TFEC: variants seen among roughly 807,000 people sequenced by gnomAD.
TFEC encodes the protein transcription factor EC.
Under a neutral mutation model 41.6 loss-of-function variants are expected in TFEC, and 31 were observed. The ratio of observed to expected loss-of-function variants is 0.74; its 90% confidence interval spans 0.56 to 1.01. The LOEUF (loss-of-function observed/expected upper bound fraction) is 1.01, where lower values mean the gene tolerates loss of function less well. Ranked by LOEUF, TFEC falls within the 50% of genes least tolerant of loss-of-function variation. The pLI is 0.00. For synonymous variants in TFEC, 143 were observed against 140.6 expected (o/e 1.02, Z -0.12); for missense variants, 402 against 404.1 (o/e 0.99, Z 0.04).
At chr7:116,023,812 T>C (rs546849732) in intron 1 of TFEC, among the ~76,000 whole-genome samples, 1 of 152,256 alleles carries the variant, frequency 6.6e-6, no homozygotes, top group East Asian at 1.9e-4. Flanking sequence ...CCAAATGCCA[T>C]AATTTGGTCT....
intron 3 of TFEC, among the ~76,000 whole-genome samples, chr7:116,103,239 C>CA (rs1227792985): frequency 1.3e-5 from 2 of 152,138 alleles, no homozygotes; most frequent in Non-Finnish European, 2.9e-5. Flanking sequence ...TCCACAAAGA[C>CA]AAAAGCAGGG....
chr7:116,036,098 T>A (rs1795902949), intron 3 of TFEC, among the ~76,000 whole-genome samples: 1 of 152,048 alleles, frequency 6.6e-6, no homozygotes, highest in Non-Finnish European at 1.5e-5. Flanking sequence ...ATATAGATAA[T>A]TGTTATACTG....
At chr7:115,945,090 C>G (rs1484229868) in intron 6 of TFEC, among the ~76,000 whole-genome samples, 1 of 145,970 alleles carries the variant, frequency 6.9e-6, no homozygotes. Flanking sequence ...GTCACCTGTT[C>G]AACAAGTTAT....
intron 1 of TFEC, among the ~76,000 whole-genome samples, chr7:116,133,526 ACT>A (rs1047715692): frequency 6.7e-6 from 1 of 150,362 alleles, no homozygotes; most frequent in Non-Finnish European, 1.5e-5. Flanking sequence ...ACAGAACAAG[ACT>A]CTGTCTCAGA....
At chr7:115,972,919 C>A (rs1459539195) in intron 3 of TFEC, among the ~76,000 whole-genome samples, 1 of 151,938 alleles carries the variant, frequency 6.6e-6, no homozygotes, top group African/African-American at 2.4e-5. Context: ...TTTCCTCAAG[C>A]TCAGAAGTTG....
intron 1 of TFEC, among the ~76,000 whole-genome samples, chr7:116,007,617 A>G (rs1794848522): frequency 6.6e-6 from 1 of 152,108 alleles, no homozygotes. Context: ...TAGTCTTTTG[A>G]CTTAGTTCTT....
rs574037642 is a variant in TFEC at position 116,045,440 on chromosome 7, C to T, written c.199-60927G>A. Among the ~76,000 whole-genome samples the T allele has an allele frequency of 3.0e-4, 46 of 152,316 alleles. 2 individuals are homozygous for T. The South Asian group carries it at 9.3e-3, about 31-fold the overall frequency. On this transcript the variant is annotated intron_variant, in intron 3 of 8. Transcript: ENST00000484212. ...GCCTAGGGACTTGGTGCCCTGTGTCCCAGCTGCTCCAGGCTATGGCTTCAG... is the reference window on the plus strand; with the variant it reads ...GCCTAGGGACTTGGTGCCCTGTGTCTCAGCTGCTCCAGGCTATGGCTTCAG...
chr7:116,129,619 G>GTTGCTCTCACTCTGTTGC (rs1798289847), intron 1 of TFEC, among the ~76,000 whole-genome samples: 2 of 120,090 alleles, frequency 1.7e-5, no homozygotes, highest in Non-Finnish European at 3.2e-5. Context: ...TTGACACTGA[G>GTTGCTCTCACTCTGTTGC]TCTCACTCTG....
At chr7:116,139,936 G>C (rs1046341103) in intron 1 of TFEC, among the ~76,000 whole-genome samples, 1 of 152,210 alleles carries the variant, frequency 6.6e-6, no homozygotes. Flanking sequence ...ACCCCCATGA[G>C]GCTGGATTGC....
At chr7:115,973,970 G>C (rs1793251735) in intron 3 of TFEC, among the ~76,000 whole-genome samples, 200 bp downstream of exon 3, 1 of 151,974 alleles carries the variant, frequency 6.6e-6, no homozygotes, top group Non-Finnish European at 1.5e-5. Context: ...GAGACAGAGA[G>C]AGAGATTAGT....
intron 3 of TFEC, among the ~76,000 whole-genome samples, chr7:116,107,972 T>A (rs892306415): frequency 6.6e-6 from 1 of 152,158 alleles, no homozygotes; most frequent in Non-Finnish European, 1.5e-5. Flanking sequence ...TAAAAATATA[T>A]TGTTTTATCA....
chr7:116,008,832 A>C (rs1164581386), intron 1 of TFEC, among the ~76,000 whole-genome samples: 2 of 152,184 alleles, frequency 1.3e-5, no homozygotes, highest in Non-Finnish European at 2.9e-5. Flanking sequence ...TTTCTGAATA[A>C]CTGTCAGCAT....
chr7:116,121,644 T>C (rs1490205264), intron 1 of TFEC, among the ~76,000 whole-genome samples: 1 of 152,078 alleles, frequency 6.6e-6, no homozygotes, highest in African/African-American at 2.4e-5. Context: ...TTAAAATATA[T>C]TGACTTGCTA....
chr7:116,081,877 C>A (rs1465818023), intron 3 of TFEC, among the ~76,000 whole-genome samples: 1 of 152,022 alleles, frequency 6.6e-6, no homozygotes, highest in African/African-American at 2.4e-5. Flanking sequence ...TCATCTTGCG[C>A]CTTTCTTGCT....
At chr7:115,941,801 AAG>A in intron 7 of TFEC, 90 bp downstream of exon 7, 1 of 1,477,784 alleles carries the variant, frequency 6.8e-7, no homozygotes. Context: ...AATTGTTAAT[AAG>A]AGAAAAAATA....
At chr7:116,132,657 C>A (rs895813707) in intron 1 of TFEC, among the ~76,000 whole-genome samples, 1 of 152,146 alleles carries the variant, frequency 6.6e-6, no homozygotes, top group African/African-American at 2.4e-5. Flanking sequence ...TGCTTTTGCA[C>A]AGTAAGTGCA....
In TFEC at chr7:115,940,615, G is replaced by T. The variant is rs1269692683; in HGVS notation, c.980C>A (p.Pro327His). 1 of 1,613,454 alleles carries T rather than the reference G, an allele frequency of 6.2e-7. No individual in the cohort carries two copies. The highest frequency in any genetic ancestry group is 8.5e-7 in the Non-Finnish European group (1 of 1,179,610). ...CCTACTGCTTTCTTTGGAAACTGCAGGGGAAGTGGCAGATAGCAGAGGATC... is the reference window on the plus strand; with the variant it reads ...CCTACTGCTTTCTTTGGAAACTGCATGGGAAGTGGCAGATAGCAGAGGATC... The part of the protein sequence containing the change: ...GTDPLLSATS[P>H]AVSKESSRRS... Residue 327 changes from proline to histidine, a missense_variant, in exon 8 of 8, where the codon CCT becomes CAT. Physicochemically the swap from Pro to His is moderately conservative, Grantham distance 77 (BLOSUM62 -2). Coordinates refer to ENST00000265440, the MANE Select transcript of TFEC (RefSeq NM_012252.4).
intron 1 of TFEC, among the ~76,000 whole-genome samples, chr7:116,011,091 T>A (rs1354247337): frequency 6.6e-6 from 1 of 152,168 alleles, no homozygotes; most frequent in African/African-American, 2.4e-5. Flanking sequence ...TTTATTCCAG[T>A]TAGAGTAAAT....
intron 1 of TFEC, among the ~76,000 whole-genome samples, chr7:115,990,740 C>A (rs1448684900): frequency 2.0e-5 from 3 of 152,032 alleles, no homozygotes; most frequent in South Asian, 2.1e-4. Flanking sequence ...GTAAAAAGAC[C>A]AAATCTACAT....
Sources: gnomAD v4.1 joint callset for allele counts (sites outside exome capture counted in the v4.1 genomes callset) on GRCh38, gnomAD v4.1.1 for gene constraint, MANE v1.5 for transcripts, NCBI Gene and HGNC (gene_info 2026-07-23, HGNC 2026-07-21) for gene names.